CHSY3: variants seen among roughly 807,000 people sequenced by gnomAD.
The protein encoded by CHSY3 is chondroitin sulfate synthase 3.
CHSY3 carries 35 observed loss-of-function variants against 67.2 expected under a neutral mutation model. The ratio of observed to expected loss-of-function variants is 0.52; its 90% confidence interval spans 0.40 to 0.69. The LOEUF (loss-of-function observed/expected upper bound fraction) is 0.69, where lower values mean the gene tolerates loss of function less well. Among genes scored for constraint, CHSY3 ranks in the 30% least tolerant of loss-of-function variants. The pLI, the probability that CHSY3 is intolerant of heterozygous loss-of-function variation, is 0.00. For missense variants in CHSY3, 1,069 were observed against 1,138.5 expected, an observed-to-expected ratio of 0.94 and a Z score of 0.88; for synonymous variants, 474 against 434.7, an observed-to-expected ratio of 1.09 and a Z score of -1.12.
chr5:130,026,145 G>A (rs1468440155), intron 2 of CHSY3, among the ~76,000 whole-genome samples: 2 of 152,012 alleles, frequency 1.3e-5, no homozygotes, highest in Admixed American at 1.3e-4. Flanking sequence ...TATTTTTTCT[G>A]ATATTTCTGA....
At chr5:130,087,395 G>GA (rs1229521091) in intron 2 of CHSY3, among the ~76,000 whole-genome samples, 3 of 151,886 alleles carry the variant, frequency 2.0e-5, no homozygotes, top group Non-Finnish European at 2.9e-5. Flanking sequence ...AGGAAATAAA[G>GA]GTATTCAATT....
At chr5:130,106,418 A>G (rs1228748631) in intron 2 of CHSY3, among the ~76,000 whole-genome samples, 1 of 151,660 alleles carries the variant, frequency 6.6e-6, no homozygotes, top group South Asian at 2.1e-4. Context: ...CCAGTTATGT[A>G]AAACACCTAC....
chr5:130,020,462 T>TATATATATATATA (rs1491353527), intron 2 of CHSY3, among the ~76,000 whole-genome samples: 16 of 15,872 alleles, frequency 1.0e-3, no homozygotes, highest in African/African-American at 2.7e-3. Flanking sequence ...TATATATATA[T>TATATATATATATA]TTTTTTTTTT....
At chr5:130,130,619 T>C (rs1768451056) in intron 2 of CHSY3, among the ~76,000 whole-genome samples, 1 of 152,196 alleles carries the variant, frequency 6.6e-6, no homozygotes. Context: ...TCAGCATTAC[T>C]TCCTGCACTT....
intron 2 of CHSY3, among the ~76,000 whole-genome samples, chr5:130,132,854 T>G (rs576125374): frequency 6.6e-6 from 1 of 152,136 alleles, no homozygotes; most frequent in Non-Finnish European, 1.5e-5. Context: ...CAAATAATTT[T>G]CCACCCCAAA....
intron 2 of CHSY3, among the ~76,000 whole-genome samples, chr5:130,014,136 A>G (rs1486029101): frequency 6.6e-6 from 1 of 152,190 alleles, no homozygotes. Context: ...CATTGTCCAT[A>G]TCACTATCAG....
intron 2 of CHSY3, among the ~76,000 whole-genome samples, chr5:130,008,785 G>C (rs1428289402): frequency 6.6e-6 from 1 of 152,064 alleles, no homozygotes; most frequent in Admixed American, 6.6e-5. Context: ...ATCTAATAGA[G>C]GTGAAAAACT....
At chr5:130,049,331 T>C (rs1221662211) in intron 2 of CHSY3, among the ~76,000 whole-genome samples, 1 of 152,108 alleles carries the variant, frequency 6.6e-6, no homozygotes. Context: ...AAAGAAGAGC[T>C]TCTCTTTATG....
At chr5:130,115,738 AC>A (rs1767775107) in intron 2 of CHSY3, among the ~76,000 whole-genome samples, 1 of 152,172 alleles carries the variant, frequency 6.6e-6, no homozygotes, top group African/African-American at 2.4e-5. Context: ...ATTTCAGACA[AC>A]CAAAAACAAA....
intron 2 of CHSY3, among the ~76,000 whole-genome samples, chr5:130,157,825 G>A (rs558403888): frequency 8.5e-5 from 13 of 152,294 alleles, no homozygotes; most frequent in African/African-American, 2.9e-4. Context: ...TGCTAAACAA[G>A]GGGTGGATTA....
chr5:130,132,718 G>C (rs1768523256), intron 2 of CHSY3, among the ~76,000 whole-genome samples: 1 of 151,998 alleles, frequency 6.6e-6, no homozygotes, highest in African/African-American at 2.4e-5. Context: ...GCAATGTCTA[G>C]AGATATTTAG....
intron 2 of CHSY3, among the ~76,000 whole-genome samples, chr5:129,947,680 CTA>C (rs1409522231): frequency 6.6e-6 from 1 of 151,798 alleles, no homozygotes; most frequent in African/African-American, 2.4e-5. Context: ...CACAGCCAAA[CTA>C]TATCAAGTCC....
At chr5:129,938,529 A>T (rs1287924871) in intron 2 of CHSY3, among the ~76,000 whole-genome samples, 1 of 152,214 alleles carries the variant, frequency 6.6e-6, no homozygotes, top group Non-Finnish European at 1.5e-5. Flanking sequence ...TTGTTCATGC[A>T]TATGAGCATA....
At chr5:130,143,847 T>TGC (rs1768992039) in intron 2 of CHSY3, among the ~76,000 whole-genome samples, 1 of 130,170 alleles carries the variant, frequency 7.7e-6, no homozygotes, top group Admixed American at 7.9e-5. Context: ...TATATATATA[T>TGC]GCCAATTCAG....
intron 2 of CHSY3, among the ~76,000 whole-genome samples, chr5:130,048,838 T>C (rs1765235445): frequency 6.6e-6 from 1 of 151,656 alleles, no homozygotes. Flanking sequence ...GGGAGTTGAG[T>C]GGAATGGGGA....
intron 2 of CHSY3, among the ~76,000 whole-genome samples, chr5:129,960,074 AC>A (rs1319039358): frequency 6.6e-6 from 1 of 152,050 alleles, no homozygotes; most frequent in Non-Finnish European, 1.5e-5. Flanking sequence ...CTGGGACCCC[AC>A]CAGTAGAATT....
chr5:129,969,462 A>G (rs573240069), intron 2 of CHSY3, among the ~76,000 whole-genome samples: 6 of 151,986 alleles, frequency 3.9e-5, no homozygotes, highest in South Asian at 2.1e-4. Flanking sequence ...AGGCATTTAT[A>G]TACTGATTGC....
intron 2 of CHSY3, among the ~76,000 whole-genome samples, chr5:130,040,333 CT>C (rs1464139029): frequency 1.3e-5 from 2 of 152,126 alleles, no homozygotes; most frequent in African/African-American, 4.8e-5. Context: ...CAGCCGTGAG[CT>C]TCCAGAGTAC....
rs564146346 is a variant in CHSY3, at chr5:129,905,467, A to C, written c.638A>C (p.Asn213Thr). The C allele has an allele frequency of 6.2e-7, 1 of 1,612,514 alleles. No homozygotes were observed. Among genetic ancestry groups the C allele is most frequent in the Non-Finnish European group, 8.5e-7 (1 of 1,179,926 alleles). ...TTCTTTTCCAGCCAGCAGCCCCCCA[A>C]CGCCGGCCAGCCCCCGCCACCCCTG... ...VEFFSSQQPP[N>T]AGQPPPPLPV... The change falls in exon 1 of 3, where the codon AAC (asparagine) becomes ACC (threonine). Residue 213 changes from asparagine to threonine, a missense_variant. Physicochemically the swap from Asn to Thr is moderately conservative, Grantham distance 65. Around this residue, in one of 5 missense-constraint regions of CHSY3, gnomAD observed 216 missense variants for 311.5 expected, o/e 0.69. Coordinates refer to ENST00000305031, the MANE Select transcript of CHSY3 (RefSeq NM_175856.5).
Sources: allele counts gnomAD v4.1 joint callset (sites outside exome capture counted in the v4.1 genomes callset), GRCh38; gene constraint gnomAD v4.1.1; regional missense constraint gnomAD v4.1.1; transcripts MANE v1.5; gene names NCBI Gene and HGNC (gene_info 2026-07-23, HGNC 2026-07-21).